The following LY6S variants were observed in gnomAD, a reference collection of about 807,000 sequenced individuals.
LY6S encodes lymphocyte antigen 6S.
the LY6S span, chr8:143,065,818 T>TCTTTCTTTCTTTCTTTC: frequency 6.6e-6 from 1 of 150,592 alleles, no homozygotes; most frequent in East Asian, 2.0e-4. Flanking sequence ...TTTCTTTCTT[T>TCTTTCTTTCTTTCTTTC]CTTTCCTTCC....
At chr8:143,053,194 C>T in the LY6S span, 3 of 152,198 alleles carry the variant, frequency 2.0e-5, no homozygotes, top group Non-Finnish European at 4.4e-5. Flanking sequence ...GCCCACATGA[C>T]CAGAATTAAA....
the LY6S span, chr8:143,057,717 C>T: frequency 1.3e-6 from 1 of 796,598 alleles, no homozygotes; most frequent in African/African-American, 1.7e-5. Flanking sequence ...TTAATGACCT[C>T]AAAGGGCACA....
At chr8:143,052,444 C>T in the LY6S span, among the ~76,000 whole-genome samples, 12 of 152,234 alleles carry the variant, frequency 7.9e-5, no homozygotes, top group Non-Finnish European at 1.3e-4. Flanking sequence ...AGACAAAGGC[C>T]TCTCACTAAC....
At chr8:143,066,148 A>ATTTCTTTTATTTTCTTTTCT in the LY6S span, 1 of 252,656 alleles carries the variant, frequency 4.0e-6, no homozygotes, top group South Asian at 4.0e-5. Flanking sequence ...CCAATGATGA[A>ATTTCTTTTATTTTCTTTTCT]TTTCTTTTCT....
the LY6S span, chr8:143,044,075 G>A: frequency 2.2e-6 from 1 of 453,706 alleles, no homozygotes. Context: ...GGTGCTGAGG[G>A]CCTGGGCAGG....
the LY6S span, chr8:143,042,118 C>T: frequency 2.0e-5 from 3 of 146,670 alleles, no homozygotes; most frequent in Middle Eastern, 3.5e-3. Context: ...CTGAGACGAC[C>T]GTCCACCCAG....
At chr8:143,074,905 A>G in the LY6S span, among the ~76,000 whole-genome samples, 1 of 152,246 alleles carries the variant, frequency 6.6e-6, no homozygotes, top group East Asian at 1.9e-4. Flanking sequence ...GGGCCCCCCA[A>G]GACTGGCAGT....
At chr8:143,043,360 G>A in the LY6S span, 1 of 791,594 alleles carries the variant, frequency 1.3e-6, no homozygotes, top group Non-Finnish European at 1.8e-6. Flanking sequence ...CGGGGTGGGG[G>A]ATGAGCAGGG....
At chr8:143,044,389 G>A in the LY6S span, among the ~76,000 whole-genome samples, 1 of 152,090 alleles carries the variant, frequency 6.6e-6, no homozygotes, top group Non-Finnish European at 1.5e-5. Flanking sequence ...CAGTAATGAG[G>A]GCCCTGTGGG....
the LY6S span, among the ~76,000 whole-genome samples, chr8:143,070,420 AT>A: frequency 2.0e-4 from 19 of 97,024 alleles, 1 homozygote; most frequent in East Asian, 1.8e-3. Flanking sequence ...ATGTATATAT[AT>A]TTATATATAT....
At chr8:143,055,854 C>T in the LY6S span, among the ~76,000 whole-genome samples, 4 of 152,242 alleles carry the variant, frequency 2.6e-5, no homozygotes, top group Non-Finnish European at 4.4e-5. Flanking sequence ...GCTGCTTAGA[C>T]GACGCCAATA....
chr8:143,045,442 A>C, the LY6S span, among the ~76,000 whole-genome samples: 2 of 152,192 alleles, frequency 1.3e-5, no homozygotes, highest in Non-Finnish European at 2.9e-5. This position sits in a 1 kb window ranked among gnomAD's most constrained non-coding sequence, Gnocchi z 5.3. Flanking sequence ...CCTGCACAGC[A>C]GCAAAGCCAG....
the LY6S span, among the ~76,000 whole-genome samples, chr8:143,065,687 C>T: frequency 6.6e-6 from 1 of 151,974 alleles, no homozygotes; most frequent in Non-Finnish European, 1.5e-5. Flanking sequence ...CTTAATGACT[C>T]CCATGCCGGG....
At chr8:143,068,864 T>C in the LY6S span, among the ~76,000 whole-genome samples, 1 of 152,134 alleles carries the variant, frequency 6.6e-6, no homozygotes, top group South Asian at 2.1e-4. Context: ...CCCAGAATTG[T>C]TTATCCTGTC....
the LY6S span, among the ~76,000 whole-genome samples, chr8:143,070,451 T>A: frequency 1.8e-5 from 1 of 54,612 alleles, no homozygotes; most frequent in Non-Finnish European, 3.3e-5. Flanking sequence ...ATATTGTATA[T>A]ATATATATAT....
the LY6S span, among the ~76,000 whole-genome samples, chr8:143,050,924 G>A: frequency 6.6e-6 from 1 of 152,252 alleles, no homozygotes; most frequent in Non-Finnish European, 1.5e-5. Context: ...CCGGCTCGGG[G>A]TCGGGGAAAG....
chr8:143,052,206 G>A, the LY6S span, among the ~76,000 whole-genome samples: 279 of 152,040 alleles, frequency 1.8e-3, 1 homozygote, highest in Admixed American at 4.9e-3. Context: ...GCGTGAACCC[G>A]GGAGGCAGAG....
At chr8:143,060,351 G>A in the LY6S span, among the ~76,000 whole-genome samples, 1 of 152,250 alleles carries the variant, frequency 6.6e-6, no homozygotes, top group Admixed American at 6.5e-5. Flanking sequence ...CTGTGATGCT[G>A]TGCTTCAGTG....
the LY6S span, chr8:143,059,594 T>C: frequency 2.0e-5 from 3 of 152,276 alleles, no homozygotes; most frequent in Admixed American, 1.3e-4. Flanking sequence ...CAAGTAAATA[T>C]ATATGGGACT....
Sources: gnomAD v4.1 joint callset for allele counts (sites outside exome capture counted in the v4.1 genomes callset) on GRCh38, gnomAD v4.1.1 for gene constraint, Gnocchi (gnomAD v3.1) non-coding constraint, MANE v1.5 for transcripts, NCBI Gene and HGNC (gene_info 2026-07-23, HGNC 2026-07-21) for gene names.